LRRC8A: variants seen among roughly 807,000 people sequenced by gnomAD.
LRRC8A encodes the protein volume-regulated anion channel subunit LRRC8A.
Under a neutral mutation model 52.5 loss-of-function variants are expected in LRRC8A, and 24 were observed. The ratio of observed to expected loss-of-function variants is 0.46; its 90% CI spans 0.33 to 0.64. The LOEUF (loss-of-function observed/expected upper bound fraction) is 0.64, where lower values mean the gene tolerates loss of function less well. Ranked by LOEUF, LRRC8A falls within the 30% of genes least tolerant of loss-of-function variation. The pLI is 0.02. For missense variants in LRRC8A, 677 were observed against 1,094.7 expected (o/e 0.62, Z 5.38); for synonymous variants, 492 against 494.2 (o/e 1.00, Z 0.06).
At chr9:128,891,742 T>C (rs1232724128) in intron 2 of LRRC8A, among the ~76,000 whole-genome samples, 2 of 152,164 alleles carry the variant, frequency 1.3e-5, no homozygotes, top group Non-Finnish European at 2.9e-5. Flanking sequence ...CTGGTTTCCA[T>C]GTACCCCCTA....
At chr9:128,913,491 G>A (rs1346987658) in intron 3 of LRRC8A, among the ~76,000 whole-genome samples, 1 of 152,198 alleles carries the variant, frequency 6.6e-6, no homozygotes, top group Non-Finnish European at 1.5e-5. Context: ...AGCAGAGAAG[G>A]ATCGGTCCAG....
intron 3 of LRRC8A, among the ~76,000 whole-genome samples, chr9:128,915,202 A>G (rs1187881857): frequency 1.3e-5 from 2 of 152,322 alleles, no homozygotes; most frequent in African/African-American, 4.8e-5. Context: ...ATGTGGTCCA[A>G]GGTCCCCCGT....
At chr9:128,903,820 G>A (rs1448751645) in intron 2 of LRRC8A, among the ~76,000 whole-genome samples, 2 of 152,092 alleles carry the variant, frequency 1.3e-5, no homozygotes, top group East Asian at 2.0e-4. Context: ...TTGAGGCCAG[G>A]AATTCAAGAC....
At position 128,917,684 on chromosome 9, in the gene LRRC8A, G is replaced by A. The variant is rs1840886386; in HGVS notation, c.*1313G>A. 1 of 152,744 alleles carries A rather than the reference G, an allele frequency of 6.5e-6. No individual in the cohort carries two copies. Among genetic ancestry groups the A allele is most frequent in the South Asian group, 2.1e-4 (1 of 4,832 alleles). The allele number at this position is 152,744 out of a possible 1,614,324, so 9.5% of individuals were successfully genotyped here. On this transcript the variant is annotated 3_prime_UTR_variant, in exon 4 of 4. Transcript: ENST00000372600. ...TCGGGAATGGGGAGGTCGCCCCTGG[G>A]AGGGCAGGCGTTGGTTCCAAGCCGG...
Position 128,907,013 on chromosome 9 carries a change from G to A in LRRC8A, c.-8-144G>A, listed in dbSNP as rs1840278522. ...GGGCTGATAAGTGGGCTGCCCCGTG[G>A]AGTAGGCAGGCTTTGGCTCCCAGCT... On this transcript the variant is annotated intron_variant, in intron 2 of 3. Transcript: ENST00000372600. This position sits in a 1 kb window ranked among gnomAD's most constrained non-coding sequence, Gnocchi z 9.3. 4 of 750,578 alleles carry A rather than the reference G, an allele frequency of 5.3e-6. No individual in the cohort carries two copies. In the South Asian group the frequency reaches 7.0e-5, roughly 13 times the overall value. 46.5% of individuals were successfully genotyped at this position (750,578 alleles called of 1,614,324 possible).
At chr9:128,905,692 A>G (rs1840217877) in intron 2 of LRRC8A, among the ~76,000 whole-genome samples, 1 of 152,066 alleles carries the variant, frequency 6.6e-6, no homozygotes, top group South Asian at 2.1e-4. Context: ...AAAAACACAA[A>G]AATTACCTGG....
chr9:128,904,551 C>G (rs75832601), intron 2 of LRRC8A, among the ~76,000 whole-genome samples: 1 of 151,950 alleles, frequency 6.6e-6, no homozygotes, highest in African/African-American at 2.4e-5. Context: ...ACAATTTATT[C>G]TAATACACAG....
At chr9:128,912,383 A>C (rs996326180) in intron 3 of LRRC8A, among the ~76,000 whole-genome samples, 2 of 152,048 alleles carry the variant, frequency 1.3e-5, no homozygotes, top group Admixed American at 6.6e-5. Flanking sequence ...AGGCCCCTGA[A>C]GAACGAGGAG....
rs1202833984 is a variant in LRRC8A at position 128,917,599 on chromosome 9, T to A, written c.*1228T>A. ...GTCCAGTGCCACCGCTGGCCTCCGC[T>A]GCTTCCATCAGCCCTGTCACCACCT... On this transcript the variant is annotated 3_prime_UTR_variant, in exon 4 of 4. Coordinates refer to ENST00000372600, the MANE Select transcript of LRRC8A (RefSeq NM_019594.4). The A allele has an allele frequency of 6.5e-6, 1 of 152,972 alleles. No homozygotes were observed. The highest frequency in any genetic ancestry group is 1.5e-5 in the Non-Finnish European group (1 of 68,192). The allele number at this position is 152,972 out of a possible 1,614,324, so 9.5% of individuals were successfully genotyped here. A position where few individuals can be genotyped will look rare whatever the true frequency, so the allele number is the denominator to read the frequency against.
chr9:128,914,217 A>C (rs111521682), intron 3 of LRRC8A, among the ~76,000 whole-genome samples: 3,419 of 29,664 alleles, frequency 0.12, 84 homozygotes, highest in African/African-American at 0.24. Flanking sequence ...CCCGCCCCCC[A>C]AAAAAAAAGA....
chr9:128,890,815 C>T (rs1358691572), intron 2 of LRRC8A, among the ~76,000 whole-genome samples: 1 of 152,204 alleles, frequency 6.6e-6, no homozygotes, highest in African/African-American at 2.4e-5. Flanking sequence ...AGGTTAAGAC[C>T]TGTAAACCGT....
At chr9:128,901,097 C>T (rs576051074) in intron 2 of LRRC8A, among the ~76,000 whole-genome samples, 6 of 152,136 alleles carry the variant, frequency 3.9e-5, no homozygotes, top group Non-Finnish European at 5.9e-5. Context: ...TGATTGAACT[C>T]GGGAGGTGGT....
At position 128,908,451 on chromosome 9, in the gene LRRC8A, G is replaced by A. The variant is rs574140224; in HGVS notation, c.1287G>A (p.Glu429=). 12 of 1,613,236 alleles carry A rather than the reference G, an allele frequency of 7.4e-6. No homozygotes were observed. Among genetic ancestry groups the A allele is most frequent in the South Asian group, 2.2e-5 (2 of 91,080 alleles). Residue 429 remains glutamate, a synonymous_variant, in exon 3 of 4, where the codon GAG becomes GAA. Coordinates refer to ENST00000372600, the MANE Select transcript of LRRC8A (RefSeq NM_019594.4). ...RLTKNAQDKL[E]LHLFMLSGIP... The stretch of plus-strand genomic sequence containing the variant: ...CCAAGAACGCGCAGGACAAGCTGGA[G>A]CTGCACCTGTTCATGCTCAGTGGCA...
intron 2 of LRRC8A, among the ~76,000 whole-genome samples, chr9:128,890,942 G>A (rs1482724266): frequency 6.6e-6 from 1 of 151,966 alleles, no homozygotes; most frequent in African/African-American, 2.4e-5. Flanking sequence ...TTGAGCCCAG[G>A]AGTTCCAGAC....
At chr9:128,882,687 C>T (rs1588186456) in intron 1 of LRRC8A, 1 of 399,058 alleles carries the variant, frequency 2.5e-6, no homozygotes, top group East Asian at 3.6e-5. Context: ...TTCCTGGTCC[C>T]CTTCTCTTCC....
rs1292746127 is a variant in LRRC8A at position 128,909,593 on chromosome 9, A to T, written c.2157+272A>T. ...CAGTTCTCCTGCCTGGAGAGACTGC[A>T]TGGCCAGGCAAGGTCTGTCCCCCAA... is the stretch of plus-strand genomic sequence containing the variant. On this transcript the variant is annotated intron_variant, in intron 3 of 3. Coordinates refer to ENST00000372600, the MANE Select transcript of LRRC8A (RefSeq NM_019594.4). Among the ~76,000 whole-genome samples, 3 of 152,252 alleles carry T rather than the reference A, an allele frequency of 2.0e-5. 1 individual carries two copies. The South Asian group carries it at 6.2e-4, about 31-fold the overall frequency.
intron 2 of LRRC8A, among the ~76,000 whole-genome samples, chr9:128,888,225 G>C (rs1035589240): frequency 6.6e-6 from 1 of 152,304 alleles, no homozygotes; most frequent in South Asian, 2.1e-4. Context: ...CTGAGCTGTA[G>C]TCTTTCATGC....
chr9:128,917,675 C>A lies in LRRC8A; in HGVS notation c.*1304C>A, dbSNP rs991521221. 1 of 152,722 alleles carries A rather than the reference C, an allele frequency of 6.5e-6. No individual in the cohort carries two copies. Among genetic ancestry groups the A allele is most frequent in the African/African-American group, 2.4e-5 (1 of 41,456 alleles). The allele number at this position is 152,722 out of a possible 1,614,324, so 9.5% of individuals were successfully genotyped here. On this transcript the variant is annotated 3_prime_UTR_variant, in exon 4 of 4. Coordinates refer to ENST00000372600, the MANE Select transcript of LRRC8A (RefSeq NM_019594.4). ...AGAGGCTGGTCGGGAATGGGGAGGT[C>A]GCCCCTGGGAGGGCAGGCGTTGGTT...
chr9:128,882,828 G>A (rs1420937029), intron 1 of LRRC8A: 1 of 398,618 alleles, frequency 2.5e-6, no homozygotes, highest in African/African-American at 2.1e-5. Context: ...TAAGAACCCA[G>A]ACCCTGTCCC....
Sources: allele counts gnomAD v4.1 joint callset (sites outside exome capture counted in the v4.1 genomes callset), GRCh38; gene constraint gnomAD v4.1.1; non-coding constraint Gnocchi (gnomAD v3.1); transcripts MANE v1.5; gene names NCBI Gene and HGNC (gene_info 2026-07-23, HGNC 2026-07-21).